The following RGS7 variants were observed in gnomAD, a reference collection of about 807,000 sequenced individuals.
RGS7 encodes the protein regulator of G-protein signaling 7.
In RGS7, 27 loss-of-function variants were observed where a neutral mutation model predicts 81.1. The ratio of observed to expected loss-of-function variants is 0.33; its 90% CI spans 0.25 to 0.46. RGS7 has a LOEUF of 0.46. RGS7 is among the 20% of genes least tolerant of loss of function. The pLI, the probability that RGS7 is intolerant of heterozygous loss-of-function variation, is 1.00. For missense variants in RGS7, 396 were observed against 607.4 expected (o/e 0.65, Z 3.66); for synonymous variants, 208 against 207.7 (o/e 1.00, Z -0.01).
At position 240,996,183 on chromosome 1, in the gene RGS7, T is replaced by G. The variant is rs572023904; in HGVS notation, c.176-13054A>C. ...TGGTATAATGTCTGTTTTTTAAAAC[T>G]TATTATGATGTGTTTAATGGCCCAA... is the stretch of plus-strand genomic sequence containing the variant. On this transcript the variant is annotated intron_variant, in intron 3 of 18. Coordinates refer to ENST00000440928, the MANE Select transcript of RGS7 (RefSeq NM_001364886.1). 9.8e-5 allele frequency among the ~76,000 whole-genome samples: 15 copies of G among 152,286 alleles called. No individual in the cohort carries two copies. In the South Asian group the frequency reaches 2.3e-3, roughly 23 times the overall value.
chr1:241,199,194 C>T (rs1321153157), intron 2 of RGS7, among the ~76,000 whole-genome samples: 2 of 152,072 alleles, frequency 1.3e-5, no homozygotes. Context: ...GCCGGTCTCA[C>T]GCCTGTAATC....
chr1:240,824,029 T>C (rs1197526609), intron 10 of RGS7, among the ~76,000 whole-genome samples: 1 of 152,166 alleles, frequency 6.6e-6, no homozygotes, highest in African/African-American at 2.4e-5. Flanking sequence ...CCTATTTCCT[T>C]ATATTGTAGT....
chr1:241,009,862 A>G (rs1404692532), intron 3 of RGS7, among the ~76,000 whole-genome samples: 3 of 152,254 alleles, frequency 2.0e-5, no homozygotes, highest in Non-Finnish European at 4.4e-5. Flanking sequence ...TATTTGGGGT[A>G]GTACCTAGTA....
rs1473403409 is a variant in RGS7, at chr1:241,049,546, C to T, written c.175+49120G>A. Among the ~76,000 whole-genome samples the T allele has an allele frequency of 3.3e-5, 5 of 152,154 alleles. No individual in the cohort carries two copies. In the East Asian group the frequency reaches 9.6e-4, roughly 29 times the overall value. On this transcript the variant is annotated intron_variant, in intron 3 of 18. Coordinates refer to ENST00000440928, the MANE Select transcript of RGS7 (RefSeq NM_001364886.1). ...GTGGGTAGTCAGGAGAAAGGGCTTT[C>T]CCCTACCTTTAATCACAATTGTCTG... is the stretch of plus-strand genomic sequence containing the variant.
chr1:241,251,494 TTTTCTTTTCTTTC>T (rs1169129855), intron 2 of RGS7, among the ~76,000 whole-genome samples: 56 of 151,848 alleles, frequency 3.7e-4, no homozygotes, highest in Non-Finnish European at 1.5e-4. Flanking sequence ...ATTTTTTCTT[TTTTCTTTTCTTTC>T]TTTCTTTTCT....
chr1:240,921,204 G>A (rs1314282265), intron 6 of RGS7, among the ~76,000 whole-genome samples: 2 of 152,140 alleles, frequency 1.3e-5, no homozygotes, highest in Admixed American at 6.6e-5. Flanking sequence ...TTATAAAAAT[G>A]AGTGTTGGCA....
At chr1:241,012,709 G>C (rs966621216) in intron 3 of RGS7, among the ~76,000 whole-genome samples, 1 of 152,158 alleles carries the variant, frequency 6.6e-6, no homozygotes, top group Admixed American at 6.6e-5. Flanking sequence ...TGCGAGATTT[G>C]CATCTGTAGA....
chr1:240,795,302 A>AG (rs1429705520), intron 18 of RGS7, among the ~76,000 whole-genome samples: 2 of 152,334 alleles, frequency 1.3e-5, no homozygotes, highest in East Asian at 3.9e-4. Context: ...CTTAAAAAAA[A>AG]CAATATGTTT....
chr1:241,238,975 T>C (rs1182482326), intron 2 of RGS7, among the ~76,000 whole-genome samples: 3 of 148,728 alleles, frequency 2.0e-5, no homozygotes, highest in African/African-American at 2.5e-5. Flanking sequence ...TCTTTTTTTT[T>C]TTTTTTTTTT....
chr1:240,792,439 A>G (rs1686160014), intron 18 of RGS7, among the ~76,000 whole-genome samples: 1 of 132,782 alleles, frequency 7.5e-6, no homozygotes, highest in Admixed American at 7.4e-5. Context: ...GATCCAGAGC[A>G]CAGGATATGT....
intron 2 of RGS7, among the ~76,000 whole-genome samples, chr1:241,335,334 G>C (rs1365208444): frequency 6.6e-6 from 1 of 152,142 alleles, no homozygotes; most frequent in East Asian, 1.9e-4. Context: ...AGGATCTTTG[G>C]ATTAGTTCTA....
chr1:241,156,235 T>C (rs1325531277), intron 2 of RGS7, among the ~76,000 whole-genome samples: 1 of 152,094 alleles, frequency 6.6e-6, no homozygotes, highest in Non-Finnish European at 1.5e-5. Flanking sequence ...CTCACACTTG[T>C]AATTTCAGTC....
At chr1:241,130,581 G>C (rs1047342358) in intron 2 of RGS7, among the ~76,000 whole-genome samples, 1 of 152,022 alleles carries the variant, frequency 6.6e-6, no homozygotes, top group Admixed American at 6.6e-5. Flanking sequence ...AAATGCTAAG[G>C]TCAAATTCAC....
At chr1:241,078,401 T>C (rs972463997) in intron 3 of RGS7, among the ~76,000 whole-genome samples, 1 of 145,898 alleles carries the variant, frequency 6.9e-6, no homozygotes, top group Admixed American at 6.9e-5. Flanking sequence ...ATAAAATATA[T>C]ATACAGCATA....
Position 240,977,612 on chromosome 1 carries a change from C to T in RGS7, c.226+5467G>A, listed in dbSNP as rs116375657. 6.0e-3 allele frequency among the ~76,000 whole-genome samples: 919 copies of T among 152,320 alleles called. 14 individuals are homozygous for T. Among genetic ancestry groups the T allele is most frequent in the African/African-American group, 0.021 (856 of 41,560 alleles). On this transcript the variant is annotated intron_variant, in intron 4 of 18. Coordinates refer to ENST00000440928, the MANE Select transcript of RGS7 (RefSeq NM_001364886.1). ...GGCAGCACGTGGTCTGAAAGTCTAA[C>T]CAATATTCCATATATAAGACCAGAT...
intron 9 of RGS7, among the ~76,000 whole-genome samples, chr1:240,866,509 T>TC (rs1663291996): frequency 8.3e-6 from 1 of 121,104 alleles, no homozygotes. Context: ...AGACTCCGTC[T>TC]CAAAAAAAAA....
At chr1:241,040,340 T>C (rs1432534486) in intron 3 of RGS7, among the ~76,000 whole-genome samples, 1 of 152,192 alleles carries the variant, frequency 6.6e-6, no homozygotes. Flanking sequence ...CTTCTAAATA[T>C]ATTTGACATA....
intron 4 of RGS7, among the ~76,000 whole-genome samples, chr1:240,952,232 A>G (rs1316397916): frequency 6.6e-6 from 1 of 152,032 alleles, no homozygotes; most frequent in Admixed American, 6.5e-5. Context: ...GTAAAACAAA[A>G]TCTCTTATTT....
intron 3 of RGS7, among the ~76,000 whole-genome samples, chr1:241,064,634 G>A (rs1288722983): frequency 6.8e-6 from 1 of 147,638 alleles, no homozygotes; most frequent in African/African-American, 2.5e-5. Context: ...GGTGGCTCAT[G>A]CCTGTAATCC....
Sources: gnomAD v4.1 joint callset for allele counts (sites outside exome capture counted in the v4.1 genomes callset) on GRCh38, gnomAD v4.1.1 for gene constraint, MANE v1.5 for transcripts, NCBI Gene and HGNC (gene_info 2026-07-23, HGNC 2026-07-21) for gene names.